Variants in TTC28 observed in about 807,000 individuals in gnomAD.
TTC28 encodes the protein tetratricopeptide repeat domain 28.
A neutral mutation model predicts 198.0 loss-of-function variants in TTC28; 61 were observed. That is an observed-to-expected ratio of 0.31 (90% CI 0.25 to 0.38). The LOEUF is 0.38. TTC28 is among the 10% of genes least tolerant of loss of function. TTC28 has a pLI of 1.00. For synonymous variants in TTC28, 1,171 were observed against 1,297.8 expected (o/e 0.90, Z 2.10); for missense variants, 2,678 against 3,164.0 (o/e 0.85, Z 3.69).
chr22:28,019,346 C>T (rs1938502023), intron 13 of TTC28, among the ~76,000 whole-genome samples: 1 of 152,242 alleles, frequency 6.6e-6, no homozygotes, highest in South Asian at 2.1e-4. Context: ...CCCTCAACCC[C>T]TCTGCTGAAC....
intron 2 of TTC28, among the ~76,000 whole-genome samples, chr22:28,467,142 C>T (rs2048033167): frequency 6.6e-6 from 1 of 152,218 alleles, no homozygotes; most frequent in Non-Finnish European, 1.5e-5. Context: ...TAAAACTTAC[C>T]AGGCATGGTG....
At chr22:28,593,235 T>C (rs1187321147) in intron 2 of TTC28, among the ~76,000 whole-genome samples, 2 of 152,098 alleles carry the variant, frequency 1.3e-5, no homozygotes, top group Non-Finnish European at 2.9e-5. Context: ...GTCTTCAGCT[T>C]TTGAGAAAAC....
At chr22:28,615,647 G>A (rs1029610968) in intron 2 of TTC28, among the ~76,000 whole-genome samples, 37 of 152,078 alleles carry the variant, frequency 2.4e-4, no homozygotes, top group African/African-American at 8.9e-4. Context: ...CCTTTGCAGG[G>A]ACATGGATGA....
intron 4 of TTC28, among the ~76,000 whole-genome samples, chr22:28,297,371 A>C (rs562614873): frequency 7.2e-6 from 1 of 139,754 alleles, no homozygotes; most frequent in Non-Finnish European, 1.6e-5. Context: ...ACACCCAGCT[A>C]TTTTTTTTTT....
intron 5 of TTC28, among the ~76,000 whole-genome samples, chr22:28,274,956 G>A (rs968824830): frequency 7.6e-6 from 1 of 130,768 alleles, no homozygotes; most frequent in Admixed American, 9.1e-5. Context: ...TCCAGCCTGG[G>A]CAACAGAGTG....
intron 14 of TTC28, among the ~76,000 whole-genome samples, chr22:28,004,620 G>C (rs777671132): frequency 5.9e-5 from 9 of 152,220 alleles, no homozygotes; most frequent in Non-Finnish European, 1.3e-4. Context: ...TCTGTGAAAT[G>C]AGGCAGGTGA....
intron 5 of TTC28, among the ~76,000 whole-genome samples, chr22:28,209,257 C>T (rs1374440623): frequency 6.6e-6 from 1 of 152,186 alleles, no homozygotes; most frequent in Non-Finnish European, 1.5e-5. Flanking sequence ...GTGATTTCCG[C>T]ATTTCCAACT....
intron 2 of TTC28, among the ~76,000 whole-genome samples, chr22:28,619,780 T>C (rs928789039): frequency 2.0e-5 from 3 of 152,184 alleles, no homozygotes. Context: ...CAGAGCAACA[T>C]AAATTCTGCT....
At chr22:28,533,510 T>G (rs1446019149) in intron 2 of TTC28, among the ~76,000 whole-genome samples, 1 of 152,098 alleles carries the variant, frequency 6.6e-6, no homozygotes, top group Non-Finnish European at 1.5e-5. Flanking sequence ...TTCAATGCCA[T>G]CCCCATCAAG....
chr22:28,600,666 C>A (rs924505506), intron 2 of TTC28, among the ~76,000 whole-genome samples: 2 of 152,074 alleles, frequency 1.3e-5, no homozygotes, highest in Non-Finnish European at 2.9e-5. Context: ...TAACAACCAA[C>A]CCATCAACCT....
chr22:28,100,937 T>C (rs768931108), intron 9 of TTC28, among the ~76,000 whole-genome samples: 6 of 152,202 alleles, frequency 3.9e-5, no homozygotes, highest in Admixed American at 3.9e-4. Flanking sequence ...TGGGGAGCAA[T>C]AGCAGTTAAT....
chr22:28,545,640 A>G (rs902393872), intron 2 of TTC28, among the ~76,000 whole-genome samples: 2 of 152,180 alleles, frequency 1.3e-5, no homozygotes, highest in African/African-American at 4.8e-5. Flanking sequence ...GTCACAGGAT[A>G]TAGGTTCAAT....
chr22:28,522,526 G>C (rs1162667643), intron 2 of TTC28, among the ~76,000 whole-genome samples: 1 of 148,960 alleles, frequency 6.7e-6, no homozygotes, highest in African/African-American at 2.5e-5. Context: ...AAAATACTGA[G>C]AGAAAGACTG....
rs10689151 is a variant in TTC28 at position 28,199,530 on chromosome 22, C to CATATATATATATATATAT, written c.934-35949_934-35932dup. Among the ~76,000 whole-genome samples, 484 of 138,904 alleles carry CATATATATATATATATAT rather than the reference C, an allele frequency of 3.5e-3. 5 individuals carry two copies. Among genetic ancestry groups the CATATATATATATATATAT allele is most frequent in the South Asian group, 0.018 (77 of 4,294 alleles). The allele number at this position is 138,904 out of a possible 152,430, so 91.1% of individuals were successfully genotyped here. On this transcript the variant is annotated intron_variant, in intron 5 of 22. Transcript: ENST00000397906. Reference sequence around the variant, plus strand: ...CTCTTCAAAAAAAGAAATACCTATACATATATATATATATATATACACACA... The same window carrying CATATATATATATATATAT: ...CTCTTCAAAAAAAGAAATACCTATACATATATATATATATATATATATATATATATATATATACACACA...
Position 28,642,161 on chromosome 22 carries a change from A to C in TTC28, c.103-12331T>G, listed in dbSNP as rs1483345350. On this transcript the variant is annotated intron_variant, in intron 1 of 22. Transcript: ENST00000397906. Reference sequence around the variant, plus strand: ...TTGTAATCACTAAGGAAATAACAGGAGTAAAAAACAAGTTAATTTAGAAAA... The same window carrying C: ...TTGTAATCACTAAGGAAATAACAGGCGTAAAAAACAAGTTAATTTAGAAAA... 2.0e-5 allele frequency among the ~76,000 whole-genome samples: 3 copies of C among 152,032 alleles called. No individual in the cohort carries two copies. In the East Asian group the frequency reaches 5.8e-4, roughly 29 times the overall value.
chr22:28,362,938 T>G (rs537789974), intron 2 of TTC28, among the ~76,000 whole-genome samples: 1 of 152,158 alleles, frequency 6.6e-6, no homozygotes, highest in African/African-American at 2.4e-5. Context: ...TTCGGAAAAT[T>G]TGCAGCCTGA....
intron 2 of TTC28, among the ~76,000 whole-genome samples, chr22:28,373,286 A>G (rs1423841033): frequency 1.3e-5 from 2 of 151,490 alleles, no homozygotes; most frequent in African/African-American, 4.8e-5. Flanking sequence ...TTTGGCTTTC[A>G]TTTTTACTCC....
intron 6 of TTC28, among the ~76,000 whole-genome samples, chr22:28,115,245 T>C (rs1203268136): frequency 6.6e-6 from 1 of 152,048 alleles, no homozygotes; most frequent in Non-Finnish European, 1.5e-5. Flanking sequence ...ATTACAGCCA[T>C]GACCTCCCGG....
chr22:28,508,283 T>G (rs577146134), intron 2 of TTC28, among the ~76,000 whole-genome samples: 7 of 152,178 alleles, frequency 4.6e-5, no homozygotes, highest in South Asian at 2.1e-4. Flanking sequence ...TATTTATTTA[T>G]TTAGTTTTAT....
Sources: gnomAD v4.1 joint callset for allele counts (sites outside exome capture counted in the v4.1 genomes callset) on GRCh38, gnomAD v4.1.1 for gene constraint, MANE v1.5 for transcripts, NCBI Gene and HGNC (gene_info 2026-07-23, HGNC 2026-07-21) for gene names.